Variants in PCDHA7 observed in about 807,000 individuals in gnomAD.
PCDHA7 encodes the protein protocadherin alpha 7, also known as protocadherin alpha-7.
Under a neutral mutation model 57.2 loss-of-function variants are expected in PCDHA7, and 37 were observed. The ratio of observed to expected loss-of-function variants is 0.65; its 90% confidence interval spans 0.50 to 0.85. PCDHA7 has a LOEUF of 0.85. PCDHA7 is among the 40% of genes least tolerant of loss of function. The pLI is 0.00. For missense variants in PCDHA7, 1,188 were observed against 1,241.8 expected (o/e 0.96, Z 0.65); for synonymous variants, 553 against 558.8 (o/e 0.99, Z 0.15).
At chr5:140,890,374 A>G (rs1045149611) in intron 1 of PCDHA7, among the ~76,000 whole-genome samples, 1 of 152,000 alleles carries the variant, frequency 6.6e-6, no homozygotes, top group South Asian at 2.1e-4. Context: ...CTGAACAAGT[A>G]CTCTTTCTTA....
At chr5:140,905,635 A>T (rs2071990855) in intron 1 of PCDHA7, among the ~76,000 whole-genome samples, 1 of 152,206 alleles carries the variant, frequency 6.6e-6, no homozygotes, top group Non-Finnish European at 1.5e-5. Context: ...CAGTATGGTC[A>T]GTTTCACAGT....
intron 1 of PCDHA7, chr5:140,863,799 G>T: frequency 4.7e-6 from 1 of 212,460 alleles, no homozygotes; most frequent in Non-Finnish European, 9.6e-6. Context: ...AGGAGTTTGA[G>T]ACCAGCCTGG....
At chr5:141,000,405 A>ATG (rs2097918195) in intron 3 of PCDHA7, among the ~76,000 whole-genome samples, 3 of 88,878 alleles carry the variant, frequency 3.4e-5, no homozygotes, top group African/African-American at 1.4e-4. Flanking sequence ...CTATATATAT[A>ATG]TATATATATA....
intron 2 of PCDHA7, among the ~76,000 whole-genome samples, chr5:140,980,702 G>A (rs1472407152): frequency 6.6e-6 from 1 of 151,558 alleles, no homozygotes; most frequent in Non-Finnish European, 1.5e-5. Flanking sequence ...AAAGCCAAAT[G>A]TGCTCCTATT....
intron 1 of PCDHA7, chr5:140,968,394 G>T: frequency 6.2e-7 from 1 of 1,613,940 alleles, no homozygotes; most frequent in Non-Finnish European, 8.5e-7. Context: ...GAGAAGTTTC[G>T]GGAGTTCTTT....
chr5:140,870,317 C>T (rs782216904), intron 1 of PCDHA7: 9 of 1,614,198 alleles, frequency 5.6e-6, no homozygotes, highest in South Asian at 2.2e-5. Flanking sequence ...AATTACTACT[C>T]GTTGGTGCTG....
intron 1 of PCDHA7, among the ~76,000 whole-genome samples, chr5:140,900,805 G>C (rs1554189444): frequency 6.6e-6 from 1 of 152,118 alleles, no homozygotes; most frequent in Non-Finnish European, 1.5e-5. Context: ...CATAGTGCTT[G>C]TACTAATTTA....
chr5:140,905,611 T>A (rs1396340503), intron 1 of PCDHA7, among the ~76,000 whole-genome samples: 1 of 152,224 alleles, frequency 6.6e-6, no homozygotes, highest in African/African-American at 2.4e-5. Flanking sequence ...ATTGAATCTA[T>A]AGATTGCTTT....
intron 3 of PCDHA7, among the ~76,000 whole-genome samples, chr5:140,999,095 G>C (rs1554256620): frequency 6.6e-6 from 1 of 152,202 alleles, no homozygotes; most frequent in African/African-American, 2.4e-5. Flanking sequence ...GAGGGCTATG[G>C]AGAGTAACCT....
chr5:140,950,278 G>A (rs2094467824), intron 1 of PCDHA7, among the ~76,000 whole-genome samples: 1 of 151,868 alleles, frequency 6.6e-6, no homozygotes, highest in African/African-American at 2.4e-5. Context: ...ATGTCTTTTT[G>A]CTTCAACCTG....
At chr5:140,966,522 G>A (rs1350046535) in intron 1 of PCDHA7, 2 of 437,040 alleles carry the variant, frequency 4.6e-6, no homozygotes, top group Non-Finnish European at 7.9e-6. Flanking sequence ...GCAGGAAGCC[G>A]AGCCGGGTTG....
intron 1 of PCDHA7, among the ~76,000 whole-genome samples, chr5:140,900,319 C>T (rs1032725241): frequency 3.3e-5 from 5 of 152,046 alleles, no homozygotes; most frequent in Non-Finnish European, 7.3e-5. Flanking sequence ...CTTTTGTCGC[C>T]CAGGCTGGAG....
chr5:140,978,778 T>C, intron 1 of PCDHA7, 171 bp from the exon 2 acceptor site: 1 of 968,888 alleles, frequency 1.0e-6, no homozygotes, highest in Non-Finnish European at 1.2e-6. Context: ...CTAATTTTCT[T>C]CTAAAGTGCT....
At chr5:140,883,384 CAG>C (rs1554177987) in intron 1 of PCDHA7, 2 of 1,614,072 alleles carry the variant, frequency 1.2e-6, no homozygotes, top group African/African-American at 2.7e-5. Context: ...TTGCCCTAAT[CAG>C]TGTGTCCGAT....
At chr5:140,876,625 G>A (rs2056468121) in intron 1 of PCDHA7, 1 of 1,614,192 alleles carries the variant, frequency 6.2e-7, no homozygotes. Context: ...CAATGGACAG[G>A]TCATCTGCTC....
Position 140,928,819 on chromosome 5 carries a change from G to A in PCDHA7, c.2356-50130G>A, listed in dbSNP as rs1464149149. On this transcript the variant is annotated intron_variant, in intron 1 of 3. Coordinates refer to ENST00000525929, the MANE Select transcript of PCDHA7 (RefSeq NM_018910.3). ...GGTGGTAGTGGTTCGGGACCATGGAGACCCACCACTTTCCTCCTCTGTCAC... is the reference window on the plus strand; with the variant it reads ...GGTGGTAGTGGTTCGGGACCATGGAAACCCACCACTTTCCTCCTCTGTCAC... 8 of 1,614,024 alleles carry A rather than the reference G, an allele frequency of 5.0e-6. No homozygotes were observed. In the Admixed American group the frequency reaches 1.0e-4, roughly 20 times the overall value.
At chr5:140,839,304 A>G (rs1554137374) in intron 1 of PCDHA7, among the ~76,000 whole-genome samples, 1 of 152,048 alleles carries the variant, frequency 6.6e-6, no homozygotes, top group Non-Finnish European at 1.5e-5. Flanking sequence ...AGTTTTAAAT[A>G]TCCTATTTAT....
At chr5:140,926,131 A>G (rs2082931602) in intron 1 of PCDHA7, among the ~76,000 whole-genome samples, 1 of 152,076 alleles carries the variant, frequency 6.6e-6, no homozygotes, top group Non-Finnish European at 1.5e-5. Context: ...TTCAACCCGC[A>G]GCAGGATCCA....
chr5:140,869,199 C>T, intron 1 of PCDHA7: 1 of 1,614,024 alleles, frequency 6.2e-7, no homozygotes, highest in Non-Finnish European at 8.5e-7. Context: ...GCCAGCTCCA[C>T]TACTCCGTCT....
Sources: gnomAD v4.1 joint callset for allele counts (sites outside exome capture counted in the v4.1 genomes callset) on GRCh38, gnomAD v4.1.1 for gene constraint, MANE v1.5 for transcripts, NCBI Gene and HGNC (gene_info 2026-07-23, HGNC 2026-07-21) for gene names.